The following CLIC6 variants were observed in gnomAD, a reference collection of about 807,000 sequenced individuals.
CLIC6 encodes CLIC family member 6.
CLIC6 carries 39 observed loss-of-function variants against 49.2 expected under a neutral mutation model. The ratio of observed to expected loss-of-function variants is 0.79; its 90% CI spans 0.61 to 1.04. The LOEUF (loss-of-function observed/expected upper bound fraction) is 1.04, where lower values mean the gene tolerates loss of function less well. Among genes scored for constraint, CLIC6 ranks in the 50% least tolerant of loss-of-function variants. The pLI, the probability that CLIC6 is intolerant of heterozygous loss-of-function variation, is 0.00. For synonymous variants in CLIC6, 446 were observed against 433.4 expected, an observed-to-expected ratio of 1.03 and a Z score of -0.36; for missense variants, 988 against 993.1, an observed-to-expected ratio of 0.99 and a Z score of 0.07.
chr21:34,707,819 C>A, intron 2 of CLIC6, 125 bp from the exon 3 acceptor site: 1 of 959,266 alleles, frequency 1.0e-6, no homozygotes, highest in Non-Finnish European at 1.6e-6. Flanking sequence ...TTTTCATAAA[C>A]CCACCATCTA....
chr21:34,699,515 C>G (rs12627157), intron 1 of CLIC6, among the ~76,000 whole-genome samples: 1 of 151,260 alleles, frequency 6.6e-6, no homozygotes, highest in Admixed American at 6.6e-5. Flanking sequence ...CTGCCCACCT[C>G]GGCCTTCCCA....
chr21:34,676,545 T>C (rs1460943757), intron 1 of CLIC6, among the ~76,000 whole-genome samples: 1 of 152,230 alleles, frequency 6.6e-6, no homozygotes, highest in African/African-American at 2.4e-5. Context: ...TTTCCCATCA[T>C]TGTTCTTTCA....
chr21:34,679,843 G>A (rs1989741870), intron 1 of CLIC6, among the ~76,000 whole-genome samples: 1 of 152,136 alleles, frequency 6.6e-6, no homozygotes, highest in African/African-American at 2.4e-5. Flanking sequence ...TGTGGCCTTG[G>A]ACAGCTCCAC....
chr21:34,679,906 T>G (rs1198177490), intron 1 of CLIC6, among the ~76,000 whole-genome samples: 2 of 152,206 alleles, frequency 1.3e-5, no homozygotes, highest in African/African-American at 4.8e-5. Context: ...CACGGACTGG[T>G]GTTGAGTGTC....
chr21:34,673,315 G>C (rs1444910899), intron 1 of CLIC6, among the ~76,000 whole-genome samples: 1 of 151,814 alleles, frequency 6.6e-6, no homozygotes, highest in Non-Finnish European at 1.5e-5. Context: ...ATTGAGACAG[G>C]TTCTTGCTCT....
rs1197816458 is a variant in CLIC6 at position 34,717,131 on chromosome 21, C to T, written c.*649C>T. 1.3e-5 allele frequency: 2 copies of T among 152,304 alleles called. No individual in the cohort carries two copies. The highest frequency in any genetic ancestry group is 4.8e-5 in the African/African-American group (2 of 41,454). The allele number at this position is 152,304 out of a possible 1,614,324, so 9.4% of individuals were successfully genotyped here. On this transcript the variant is annotated 3_prime_UTR_variant, in exon 6 of 6. Coordinates refer to ENST00000349499, the MANE Select transcript of CLIC6 (RefSeq NM_053277.3). ...CCGGAAGCCCTGGGTCACCCCCACT[C>T]TGCCTCATTTCTGCCTCCAGGATGC...
chr21:34,687,744 A>G (rs1270986625), intron 1 of CLIC6, among the ~76,000 whole-genome samples: 2 of 152,230 alleles, frequency 1.3e-5, no homozygotes, highest in Non-Finnish European at 2.9e-5. Flanking sequence ...ACTTAGGAAT[A>G]TGTTTAGGAT....
chr21:34,709,433 T>C lies in CLIC6; in HGVS notation c.1794T>C (p.Asp598=). Residue 598 remains aspartate (D), a synonymous_variant, in exon 5 of 6, where the codon GAT becomes GAC. Transcript: ENST00000349499. ...YLNSPLPDEI[D]AYSTEDVTVS... ...ATAGCCCTCTGCCTGATGAAATAGA[T>C]GCCTACAGCACCGAGGATGTCACTG... 1 of 1,614,030 alleles carries C rather than the reference T, an allele frequency of 6.2e-7. No individual in the cohort carries two copies. Among genetic ancestry groups the C allele is most frequent in the Non-Finnish European group, 8.5e-7 (1 of 1,179,882 alleles).
intron 1 of CLIC6, among the ~76,000 whole-genome samples, chr21:34,686,023 A>G (rs554310080): frequency 6.6e-6 from 1 of 152,364 alleles, no homozygotes; most frequent in African/African-American, 2.4e-5. Context: ...TCACACAAAA[A>G]ATTTGCAACC....
At chr21:34,688,947 G>C (rs1350967570) in intron 1 of CLIC6, among the ~76,000 whole-genome samples, 1 of 152,180 alleles carries the variant, frequency 6.6e-6, no homozygotes, top group Non-Finnish European at 1.5e-5. Flanking sequence ...TAGGTTTGGC[G>C]TGGTGGTGTG....
intron 1 of CLIC6, 62 bp from the exon 2 acceptor site, chr21:34,707,218 G>T: frequency 8.4e-7 from 1 of 1,195,386 alleles, no homozygotes; most frequent in Non-Finnish European, 1.3e-6. Flanking sequence ...TGTGCATGTT[G>T]TGGTGTTGGC....
intron 1 of CLIC6, among the ~76,000 whole-genome samples, chr21:34,697,687 T>C (rs62213844): frequency 0.014 from 2,152 of 152,300 alleles, 24 homozygotes; most frequent in Non-Finnish European, 0.024. Context: ...GGATTTTCAG[T>C]TTTAAAATCA....
chr21:34,698,617 G>A (rs1990132890), intron 1 of CLIC6, among the ~76,000 whole-genome samples: 2 of 152,164 alleles, frequency 1.3e-5, no homozygotes, highest in African/African-American at 2.4e-5. Flanking sequence ...ATTGTTCTAG[G>A]CGTCGTATGT....
chr21:34,707,821 C>G, intron 2 of CLIC6, 123 bp from the exon 3 acceptor site: 1 of 972,540 alleles, frequency 1.0e-6, no homozygotes, highest in East Asian at 2.5e-5. Flanking sequence ...TTCATAAACC[C>G]ACCATCTACT....
At chr21:34,704,432 T>G (rs2056000716) in intron 1 of CLIC6, among the ~76,000 whole-genome samples, 1 of 152,220 alleles carries the variant, frequency 6.6e-6, no homozygotes, top group South Asian at 2.1e-4. Context: ...GATGAGGCAA[T>G]ACTGGATATG....
At chr21:34,672,859 G>T in intron 1 of CLIC6, among the ~76,000 whole-genome samples, 1 of 152,290 alleles carries the variant, frequency 6.6e-6, no homozygotes, top group Admixed American at 6.5e-5. Context: ...TGAGGTTACC[G>T]TGAGAAATTG....
chr21:34,689,862 T>C (rs1403064660), intron 1 of CLIC6, among the ~76,000 whole-genome samples: 1 of 152,198 alleles, frequency 6.6e-6, no homozygotes, highest in African/African-American at 2.4e-5. Flanking sequence ...CCTTGAACGC[T>C]TTATCATTTT....
At chr21:34,702,399 G>A (rs1006690116) in intron 1 of CLIC6, among the ~76,000 whole-genome samples, 9 of 152,122 alleles carry the variant, frequency 5.9e-5, no homozygotes, top group Non-Finnish European at 1.3e-4. Flanking sequence ...AGCAGCCAGG[G>A]CTCCCGCGTG....
rs8128739 is a variant in CLIC6, at chr21:34,678,012, C to A, written c.1374+7250C>A. On this transcript the variant is annotated intron_variant, in intron 1 of 5. Transcript: ENST00000349499. ...CCCATAAACAAACTTTTTTTTGGAA[C>A]CCAGCCATGCTTGTTCTTTGATGTA... Among the ~76,000 whole-genome samples, 29 of 152,108 alleles carry A rather than the reference C, an allele frequency of 1.9e-4. 1 individual carries two copies. The highest frequency in any genetic ancestry group is 6.7e-4 in the African/African-American group (28 of 41,496).
Sources: gnomAD v4.1 joint callset for allele counts (sites outside exome capture counted in the v4.1 genomes callset) on GRCh38, gnomAD v4.1.1 for gene constraint, MANE v1.5 for transcripts, NCBI Gene and HGNC (gene_info 2026-07-23, HGNC 2026-07-21) for gene names.